Variants in WDR7 observed in about 807,000 individuals in gnomAD.
The protein encoded by WDR7 is WD repeat-containing protein 7.
A neutral mutation model predicts 169.4 loss-of-function variants in WDR7; 46 were observed. The observed-to-expected ratio is 0.27, with a 90% CI of 0.21 to 0.35. The LOEUF is 0.35. WDR7 is among the 10% of genes least tolerant of loss of function. WDR7 has a pLI of 1.00. For missense variants in WDR7, 1,534 were observed against 1,859.3 expected, an observed-to-expected ratio of 0.83 and a Z score of 3.22; for synonymous variants, 612 against 666.8, an observed-to-expected ratio of 0.92 and a Z score of 1.27.
intron 10 of WDR7, 33 bp downstream of exon 10, chr18:56,694,793 T>C: frequency 6.3e-7 from 1 of 1,578,380 alleles, no homozygotes; most frequent in South Asian, 1.2e-5. Flanking sequence ...AATTTCTTAA[T>C]TAATTTAATA....
In WDR7 at chr18:56,941,934, C is replaced by T. The variant is rs528948483; in HGVS notation, c.4064+2541C>T. ...GCTGGTTCTGCCTAGTGCCCTGAGT[C>T]GCTGGGAGAGACTCCAGCCATCCAT... On this transcript the variant is annotated intron_variant, in intron 25 of 27. Coordinates refer to ENST00000254442, the MANE Select transcript of WDR7 (RefSeq NM_015285.3). Among the ~76,000 whole-genome samples the T allele has an allele frequency of 1.4e-4, 21 of 152,298 alleles. No individual in the cohort carries two copies. The South Asian group carries it at 3.7e-3, about 27-fold the overall frequency.
At chr18:56,896,145 T>G (rs1396413760) in intron 21 of WDR7, among the ~76,000 whole-genome samples, 6 of 151,782 alleles carry the variant, frequency 4.0e-5, no homozygotes. Flanking sequence ...ATGTAAGACT[T>G]ATAGAAAAAA....
At chr18:56,832,264 C>G (rs2045324213) in intron 20 of WDR7, among the ~76,000 whole-genome samples, 1 of 152,222 alleles carries the variant, frequency 6.6e-6, no homozygotes, top group Admixed American at 6.5e-5. Context: ...GGCCACAGAG[C>G]CACTGTAGAA....
At chr18:56,711,157 T>C (rs2026078478) in intron 12 of WDR7, among the ~76,000 whole-genome samples, 1 of 152,014 alleles carries the variant, frequency 6.6e-6, no homozygotes, top group Non-Finnish European at 1.5e-5. Context: ...TAATTTATTA[T>C]TTACTGTTGA....
In WDR7 at chr18:57,016,241, A is replaced by G. The variant is rs185386790; in HGVS notation, c.4165-4504A>G. 3.6e-3 allele frequency among the ~76,000 whole-genome samples: 553 copies of G among 152,268 alleles called. 3 individuals carry two copies. Among genetic ancestry groups the G allele is most frequent in the Non-Finnish European group, 2.5e-3 (170 of 68,010 alleles). ...TCAGCCCCTCAAGATCTTGGGGGTC[A>G]TCAAGGTTCAGTCCACGCTCGTGCA... On this transcript the variant is annotated intron_variant, in intron 26 of 27. Transcript: ENST00000254442.
intron 5 of WDR7, 71 bp downstream of exon 5, chr18:56,682,924 A>G (rs900674154): frequency 3.5e-6 from 5 of 1,444,486 alleles, no homozygotes; most frequent in Admixed American, 2.2e-5. Flanking sequence ...ACATTCTACA[A>G]TTTATCATAA....
At chr18:56,747,232 C>G (rs1445295459) in intron 14 of WDR7, among the ~76,000 whole-genome samples, 2 of 152,166 alleles carry the variant, frequency 1.3e-5, no homozygotes, top group African/African-American at 4.8e-5. Flanking sequence ...CTGACTTCCT[C>G]CTGTATTGTC....
chr18:57,027,480 A>G lies in WDR7; in HGVS notation c.*273A>G. 1 of 511,758 alleles carries G rather than the reference A, an allele frequency of 2.0e-6. No individual in the cohort carries two copies. The highest frequency in any genetic ancestry group is 3.5e-6 in the Non-Finnish European group (1 of 287,770). The allele number at this position is 511,758 out of a possible 1,614,324, so 31.7% of individuals were successfully genotyped here. A position where few individuals can be genotyped will look rare whatever the true frequency, so the allele number is the denominator to read the frequency against. ...CTGCCAGAGATGGCAGGGGAAAGCC[A>G]GTGGTTCCTGGGAACGCTCTTGTTG... On this transcript the variant is annotated 3_prime_UTR_variant, in exon 28 of 28. Transcript: ENST00000254442.
chr18:56,862,499 A>G (rs1240549343), intron 20 of WDR7, among the ~76,000 whole-genome samples: 1 of 151,644 alleles, frequency 6.6e-6, no homozygotes, highest in Non-Finnish European at 1.5e-5. Flanking sequence ...TATTAAAGAA[A>G]TATTTGAAAT....
intron 22 of WDR7, among the ~76,000 whole-genome samples, chr18:56,930,510 G>A (rs892028674): frequency 6.6e-6 from 1 of 152,100 alleles, no homozygotes; most frequent in Non-Finnish European, 1.5e-5. Context: ...TAGCATACAG[G>A]AAATAGATCT....
At chr18:56,700,464 C>T (rs1372955608) in intron 12 of WDR7, among the ~76,000 whole-genome samples, 1 of 151,290 alleles carries the variant, frequency 6.6e-6, no homozygotes, top group Admixed American at 6.6e-5. Flanking sequence ...ACCATGTTGG[C>T]CAGGATGGTC....
intron 22 of WDR7, 30 bp from the exon 23 acceptor site, chr18:56,935,758 T>G (rs751837294): frequency 6.3e-7 from 1 of 1,597,434 alleles, no homozygotes; most frequent in Admixed American, 1.7e-5. Flanking sequence ...GCTTCTTTTC[T>G]TTTTTTCCCT....
At chr18:56,961,829 A>G (rs1465565049) in intron 25 of WDR7, among the ~76,000 whole-genome samples, 2 of 152,170 alleles carry the variant, frequency 1.3e-5, no homozygotes, top group African/African-American at 2.4e-5. Flanking sequence ...GCTGGTAAAC[A>G]TGGGAAATCA....
intron 21 of WDR7, among the ~76,000 whole-genome samples, chr18:56,911,048 T>C (rs1038411019): frequency 2.0e-5 from 3 of 152,218 alleles, no homozygotes; most frequent in African/African-American, 7.2e-5. Flanking sequence ...TGTTGAGGCC[T>C]GTCTTGTAAA....
At chr18:56,862,664 T>C (rs1476264298) in intron 20 of WDR7, among the ~76,000 whole-genome samples, 1 of 151,898 alleles carries the variant, frequency 6.6e-6, no homozygotes, top group African/African-American at 2.4e-5. Flanking sequence ...TAATTATGTC[T>C]TTCAGGTTAT....
chr18:56,997,473 G>T (rs1619749), intron 26 of WDR7, among the ~76,000 whole-genome samples: 94,899 of 151,906 alleles, frequency 0.62, 30,249 homozygotes, highest in Middle Eastern at 0.73. Context: ...GTGGGTTGTT[G>T]CCTGACAAAG....
At chr18:56,894,523 A>G (rs970025339) in intron 21 of WDR7, among the ~76,000 whole-genome samples, 2 of 152,062 alleles carry the variant, frequency 1.3e-5, no homozygotes, top group African/African-American at 4.8e-5. Context: ...AGACCTATCC[A>G]GATCACTCTA....
intron 17 of WDR7, among the ~76,000 whole-genome samples, chr18:56,777,485 G>A (rs1327114846): frequency 3.3e-5 from 5 of 152,090 alleles, no homozygotes; most frequent in Non-Finnish European, 7.4e-5. Flanking sequence ...CAAGTCGAAA[G>A]TATTTTTGGA....
At chr18:56,940,104 C>T (rs112162619) in intron 25 of WDR7, among the ~76,000 whole-genome samples, 78 of 152,108 alleles carry the variant, frequency 5.1e-4, no homozygotes, top group African/African-American at 1.7e-3. Flanking sequence ...AATCTCCATG[C>T]GGTCGTTAGA....
Sources: allele counts gnomAD v4.1 joint callset (sites outside exome capture counted in the v4.1 genomes callset), GRCh38; gene constraint gnomAD v4.1.1; transcripts MANE v1.5; gene names NCBI Gene and HGNC (gene_info 2026-07-23, HGNC 2026-07-21).